Variants in KRABD5 observed in about 807,000 individuals in gnomAD.
KRABD5 encodes KRAB domain-containing protein 5.
At chr16:31,738,046 G>A in the KRABD5 span, among the ~76,000 whole-genome samples, 1 of 152,068 alleles carries the variant, frequency 6.6e-6, no homozygotes, top group East Asian at 1.9e-4. Context: ...TTATTCTGTT[G>A]TAGTAAGAAG....
chr16:31,750,741 A>G, the KRABD5 span, among the ~76,000 whole-genome samples: 262 of 151,924 alleles, frequency 1.7e-3, no homozygotes, highest in African/African-American at 5.8e-3. Context: ...ATTAAGGGAT[A>G]TTAAGTTTTA....
the KRABD5 span, among the ~76,000 whole-genome samples, chr16:31,726,358 C>T: frequency 6.6e-6 from 1 of 152,136 alleles, no homozygotes; most frequent in African/African-American, 2.4e-5. Flanking sequence ...ATATAATACT[C>T]ACTATTAGTA....
the KRABD5 span, chr16:31,755,748 C>A: frequency 2.8e-6 from 1 of 356,560 alleles, no homozygotes; most frequent in Non-Finnish European, 5.5e-6. Flanking sequence ...GAGTTTTATC[C>A]AAAATTTAGA....
chr16:31,752,273 A>C, the KRABD5 span, among the ~76,000 whole-genome samples: 136 of 152,328 alleles, frequency 8.9e-4, no homozygotes, highest in African/African-American at 3.2e-3. Context: ...TATTAGGTCC[A>C]GTTGGTCTAT....
chr16:31,749,798 C>T, the KRABD5 span, among the ~76,000 whole-genome samples: 1 of 152,118 alleles, frequency 6.6e-6, no homozygotes, highest in Non-Finnish European at 1.5e-5. Context: ...AATCTGGATA[C>T]CTTGGTTGCT....
chr16:31,761,525 A>G, the KRABD5 span: 2 of 152,092 alleles, frequency 1.3e-5, no homozygotes, highest in Non-Finnish European at 2.9e-5. Context: ...TTTAAACTTC[A>G]GTTACTTGTT....
chr16:31,755,409 T>C, the KRABD5 span: 1 of 493,926 alleles, frequency 2.0e-6, no homozygotes, highest in South Asian at 1.5e-5. Flanking sequence ...GGCAAAGCCT[T>C]TAACTGTAGT....
chr16:31,713,299 G>C, the KRABD5 span: 105 of 1,266,652 alleles, frequency 8.3e-5, no homozygotes, highest in Non-Finnish European at 1.1e-4. Context: ...CTTCACCAGG[G>C]GCTCCCAGTC....
chr16:31,725,088 A>G, the KRABD5 span, among the ~76,000 whole-genome samples: 7 of 150,558 alleles, frequency 4.6e-5, no homozygotes, highest in Admixed American at 4.0e-4. Context: ...AGGGGTGCAG[A>G]TATCTCTTTA....
the KRABD5 span, among the ~76,000 whole-genome samples, chr16:31,742,960 CTTT>C: frequency 1.3e-5 from 2 of 152,258 alleles, no homozygotes; most frequent in Admixed American, 6.5e-5. Flanking sequence ...TAAATGTCTT[CTTT>C]TAAGAAGTGT....
At chr16:31,756,395 G>C in the KRABD5 span, 1 of 152,066 alleles carries the variant, frequency 6.6e-6, no homozygotes, top group Non-Finnish European at 1.5e-5. Flanking sequence ...ACACTGGTCA[G>C]TTATTTAAAA....
the KRABD5 span, among the ~76,000 whole-genome samples, chr16:31,751,578 C>T: frequency 6.6e-6 from 1 of 152,148 alleles, no homozygotes; most frequent in Non-Finnish European, 1.5e-5. Context: ...ATAGAAGTCT[C>T]TGAGAATCTT....
the KRABD5 span, among the ~76,000 whole-genome samples, chr16:31,718,384 GA>G: frequency 6.6e-6 from 1 of 152,174 alleles, no homozygotes; most frequent in African/African-American, 2.4e-5. Flanking sequence ...AAATCCAGGG[GA>G]CATTTTCTGC....
chr16:31,750,074 A>G, the KRABD5 span, among the ~76,000 whole-genome samples: 8 of 152,184 alleles, frequency 5.3e-5, no homozygotes, highest in Non-Finnish European at 1.2e-4. Context: ...AATTCTGTGA[A>G]AAATGACGTT....
chr16:31,749,603 G>A, the KRABD5 span, among the ~76,000 whole-genome samples: 24 of 152,198 alleles, frequency 1.6e-4, no homozygotes, highest in Non-Finnish European at 2.9e-5. Flanking sequence ...GGGATCTTCC[G>A]ATCCGTGGGT....
the KRABD5 span, among the ~76,000 whole-genome samples, chr16:31,732,906 C>A: frequency 6.6e-6 from 1 of 152,048 alleles, no homozygotes. Context: ...TTGTAAATAT[C>A]TAAAGCATTA....
the KRABD5 span, among the ~76,000 whole-genome samples, chr16:31,742,014 G>C: frequency 6.6e-6 from 1 of 152,104 alleles, no homozygotes; most frequent in South Asian, 2.1e-4. Context: ...TGGTTAGTCA[G>C]TCATCCTAGA....
the KRABD5 span, among the ~76,000 whole-genome samples, chr16:31,721,773 T>C: frequency 1.3e-5 from 2 of 152,242 alleles, no homozygotes; most frequent in African/African-American, 2.4e-5. Context: ...CTTCGTTCAG[T>C]GTTCAACCTC....
chr16:31,733,720 A>G, the KRABD5 span: 1 of 427,926 alleles, frequency 2.3e-6, no homozygotes, highest in Non-Finnish European at 4.8e-6. Flanking sequence ...ATACTTGTCA[A>G]AATGTCTCTG....
Sources: allele counts gnomAD v4.1 joint callset (sites outside exome capture counted in the v4.1 genomes callset), GRCh38; gene constraint gnomAD v4.1.1; transcripts MANE v1.5; gene names NCBI Gene and HGNC (gene_info 2026-07-23, HGNC 2026-07-21).